Variants in IFT88 observed in about 807,000 individuals in gnomAD.
The protein encoded by IFT88 is intraflagellar transport 88, also known as intraflagellar transport protein 88 homolog.
A neutral mutation model predicts 119.5 loss-of-function variants in IFT88; 74 were observed. That is an observed-to-expected ratio of 0.62 (90% CI 0.51 to 0.75). The LOEUF (loss-of-function observed/expected upper bound fraction) is 0.75. IFT88 is among the 30% of genes least tolerant of loss of function. IFT88 has a pLI of 0.00. For synonymous variants in IFT88, 279 were observed against 316.7 expected (o/e 0.88, Z 1.26); for missense variants, 961 against 977.7 (o/e 0.98, Z 0.23).
At chr13:20,585,215 C>T (rs962554631) in intron 3 of IFT88, among the ~76,000 whole-genome samples, 3 of 152,100 alleles carry the variant, frequency 2.0e-5, no homozygotes, top group African/African-American at 7.2e-5. Flanking sequence ...TCCACAAGAC[C>T]ACTCCCACTT....
At position 20,627,730 on chromosome 13, in the gene IFT88, C is replaced by G. The variant is rs188478453; in HGVS notation, c.1299+1881C>G. 2.6e-4 allele frequency among the ~76,000 whole-genome samples: 21 copies of G among 80,260 alleles called. 1 individual carries two copies. The highest frequency in any genetic ancestry group is 8.6e-4 in the African/African-American group (19 of 22,072). The allele number at this position is 80,260 out of a possible 152,430, so 52.7% of individuals were successfully genotyped here. ...TGAGTGACAGAGCGAGACTTCATCT[C>G]AAAAAAAAAAAAAAAAAAAAAAAGG... On this transcript the variant is annotated intron_variant, in intron 15 of 25. Coordinates refer to ENST00000351808, the MANE Select transcript of IFT88 (RefSeq NM_006531.5).
intron 6 of IFT88, 92 bp downstream of exon 6, chr13:20,591,773 A>G (rs1379685783): frequency 2.5e-6 from 2 of 813,638 alleles, no homozygotes; most frequent in African/African-American, 1.8e-5. Context: ...TTTAAATAAA[A>G]TCTAACAATG....
Position 20,638,345 on chromosome 13 carries a change from C to G in IFT88, c.1400C>G (p.Ala467Gly), listed in dbSNP as rs2049337497. 1.5e-6 allele frequency: 2 copies of G among 1,350,286 alleles called. No individual in the cohort carries two copies. The highest frequency in any genetic ancestry group is 1.9e-6 in the Non-Finnish European group (2 of 1,041,456). The allele number at this position is 1,350,286 out of a possible 1,614,324, so 83.6% of individuals were successfully genotyped here. ...TATTTTACTTAGGGAAAGGATTTTG[C>G]ACAAGCCAGCAGCTATGCAGATATA... is the stretch of plus-strand genomic sequence containing the variant. ...SALYYMGKDF[A>G]QASSYADIAV... Residue 467 changes from alanine (A) to glycine (G), a missense_variant, in exon 17 of 26, where the codon GCA (alanine) becomes GGA (glycine). Coordinates refer to ENST00000351808, the MANE Select transcript of IFT88 (RefSeq NM_006531.5).
chr13:20,610,330 G>T (rs937128894), intron 13 of IFT88, among the ~76,000 whole-genome samples: 4 of 152,056 alleles, frequency 2.6e-5, no homozygotes, highest in African/African-American at 9.7e-5. Context: ...CAATTGCTGT[G>T]TAAAACGGGA....
chr13:20,574,403 C>G lies in IFT88; in HGVS notation c.18C>G (p.His6Gln), dbSNP rs981925929. MMQNV[H>Q]LAPETDEDDL... ...AGGTACAAATGATGCAAAATGTGCA[C>G]CTGGCTCCAGAGACAGATGAAGATG... The change falls in exon 2 of 26, where the codon CAC (histidine) becomes CAG (glutamine). Residue 6 changes from histidine (H) to glutamine (Q), a missense_variant. Transcript: ENST00000351808. 28 of 1,610,464 alleles carry G rather than the reference C, an allele frequency of 1.7e-5. 1 individual carries two copies. Among genetic ancestry groups the G allele is most frequent in the Middle Eastern group, 1.7e-4 (1 of 6,052 alleles).
At chr13:20,664,934 C>G (rs2054425898) in intron 23 of IFT88, among the ~76,000 whole-genome samples, 1 of 151,932 alleles carries the variant, frequency 6.6e-6, no homozygotes, top group African/African-American at 2.4e-5. Flanking sequence ...AAAAAATTAG[C>G]CAGGCGTGGT....
At chr13:20,659,500 T>A (rs1012216144) in intron 22 of IFT88, among the ~76,000 whole-genome samples, 3 of 151,932 alleles carry the variant, frequency 2.0e-5, no homozygotes, top group African/African-American at 7.2e-5. Context: ...AAAAAAAAAA[T>A]TCCTAAGCCA....
At chr13:20,613,881 G>A (rs1356494105) in intron 13 of IFT88, among the ~76,000 whole-genome samples, 1 of 151,890 alleles carries the variant, frequency 6.6e-6, no homozygotes, top group Non-Finnish European at 1.5e-5. Flanking sequence ...AATGAAAGAA[G>A]CCAGTCACAA....
intron 12 of IFT88, among the ~76,000 whole-genome samples, chr13:20,603,461 T>C (rs1410415670): frequency 6.6e-6 from 1 of 152,030 alleles, no homozygotes; most frequent in Non-Finnish European, 1.5e-5. Flanking sequence ...ATGCCTTGGC[T>C]CTCCTACTCA....
intron 17 of IFT88, among the ~76,000 whole-genome samples, chr13:20,639,786 C>CTTTTTTTTTTTTTTTTTTTTTTTTT (rs34190452): frequency 9.1e-6 from 1 of 109,490 alleles, no homozygotes; most frequent in Non-Finnish European, 1.8e-5. Context: ...TAAAATTTGT[C>CTTTTTTTTTTTTTTTTTTTTTTTTT]TTTTTTTTTT....
rs561793835 is a variant in IFT88 at position 20,619,108 on chromosome 13, G to A, written c.1199+3229G>A. Among the ~76,000 whole-genome samples the A allele has an allele frequency of 6.6e-5, 10 of 151,998 alleles. No homozygotes were observed. In the South Asian group the frequency reaches 1.9e-3, roughly 28 times the overall value. ...CCTGACCTCGTGATCCACCTGCCTC[G>A]GCCTCCCAAAGTGCTGGGAGATTAA... is the stretch of plus-strand genomic sequence containing the variant. On this transcript the variant is annotated intron_variant, in intron 14 of 25. Transcript: ENST00000351808.
intron 22 of IFT88, among the ~76,000 whole-genome samples, chr13:20,661,300 C>T (rs1217165930): frequency 2.0e-5 from 3 of 152,130 alleles, no homozygotes; most frequent in East Asian, 1.9e-4. Flanking sequence ...CAGGAACAGG[C>T]ACTGCAGGTA....
intron 15 of IFT88, among the ~76,000 whole-genome samples, chr13:20,629,749 C>T (rs933468899): frequency 6.6e-6 from 1 of 152,134 alleles, no homozygotes; most frequent in Non-Finnish European, 1.5e-5. Context: ...TAGCTGACAA[C>T]CATTATAAAA....
At chr13:20,601,194 C>T (rs59003901) in intron 11 of IFT88, among the ~76,000 whole-genome samples, 430 of 152,152 alleles carry the variant, frequency 2.8e-3, no homozygotes, top group African/African-American at 9.4e-3. Flanking sequence ...GGTGAAACCC[C>T]GTCTCTACTA....
chr13:20,690,505 G>A (rs978778743), intron 24 of IFT88, among the ~76,000 whole-genome samples, 200 bp from the exon 25 acceptor site: 5 of 152,140 alleles, frequency 3.3e-5, no homozygotes, highest in African/African-American at 1.2e-4. Context: ...ACTCTTAAGT[G>A]ATGTTTTATC....
intron 23 of IFT88, among the ~76,000 whole-genome samples, chr13:20,666,113 G>T (rs138519345): frequency 1.3e-5 from 2 of 152,186 alleles, no homozygotes; most frequent in African/African-American, 4.8e-5. Flanking sequence ...AAGTAAATGC[G>T]TAGTATGGTG....
At chr13:20,670,908 TTATC>T in intron 23 of IFT88, 61 bp from the exon 24 acceptor site, 1 of 1,385,212 alleles carries the variant, frequency 7.2e-7, no homozygotes. Flanking sequence ...AAATCCACCT[TTATC>T]TATATTCAAC....
chr13:20,637,647 C>G (rs186369589), intron 16 of IFT88, among the ~76,000 whole-genome samples: 193 of 152,300 alleles, frequency 1.3e-3, no homozygotes, highest in African/African-American at 4.5e-3. Flanking sequence ...ATGGACACTT[C>G]TGTGTCAGAC....
intron 3 of IFT88, among the ~76,000 whole-genome samples, chr13:20,587,996 C>T (rs1287381031): frequency 1.5e-5 from 2 of 135,918 alleles, no homozygotes; most frequent in African/African-American, 2.7e-5. Flanking sequence ...TTACTATTTG[C>T]TTTTTTTTTT....
Sources: allele counts gnomAD v4.1 joint callset (sites outside exome capture counted in the v4.1 genomes callset), GRCh38; gene constraint gnomAD v4.1.1; transcripts MANE v1.5; gene names NCBI Gene and HGNC (gene_info 2026-07-23, HGNC 2026-07-21).